TYR: variants seen among roughly 807,000 people sequenced by gnomAD.
The protein encoded by TYR is tyrosinase.
A neutral mutation model predicts 51.5 loss-of-function variants in TYR; 58 were observed. The ratio of observed to expected loss-of-function variants is 1.13; its 90% CI spans 0.91 to 1.40. The LOEUF is 1.40. Ranked by LOEUF, TYR falls within the 40% of genes most tolerant of loss-of-function variation. TYR has a pLI of 0.00. For synonymous variants in TYR, 263 were observed against 235.2 expected (o/e 1.12, Z -1.08); for missense variants, 732 against 647.4 (o/e 1.13, Z -1.42).
intron 3 of TYR, among the ~76,000 whole-genome samples, chr11:89,247,812 G>T (rs1944285314): frequency 6.6e-6 from 1 of 152,118 alleles, no homozygotes; most frequent in African/African-American, 2.4e-5. Context: ...ATAGCAGGAG[G>T]ATATTTAGGC....
chr11:89,257,806 C>T (rs35029283), intron 3 of TYR, among the ~76,000 whole-genome samples: 17,149 of 151,906 alleles, frequency 0.11, 1,952 homozygotes, highest in African/African-American at 0.29. Flanking sequence ...CTTTCTTTCC[C>T]AGAGAATTTG....
chr11:89,294,605 C>T (rs1260881218), intron 4 of TYR, among the ~76,000 whole-genome samples: 1 of 152,214 alleles, frequency 6.6e-6, no homozygotes, highest in East Asian at 1.9e-4. Context: ...GACAGAGGGA[C>T]GGTGCCCATG....
intron 2 of TYR, among the ~76,000 whole-genome samples, chr11:89,226,485 T>C (rs563525816): frequency 6.6e-6 from 1 of 152,202 alleles, no homozygotes; most frequent in Admixed American, 6.6e-5. Flanking sequence ...TGCATGTTCT[T>C]AGGCTAATCT....
At chr11:89,242,442 C>G (rs1289896120) in intron 3 of TYR, among the ~76,000 whole-genome samples, 1 of 152,018 alleles carries the variant, frequency 6.6e-6, no homozygotes, top group Non-Finnish European at 1.5e-5. Context: ...AACTCCTGAC[C>G]TCAGGTGATC....
rs11411684 is a variant in TYR, at chr11:89,216,647, C to CAAAAAAAAAAAAAA, written c.1037-11167_1037-11154dup. ...CAGCCTGGATGGAGTTTTTCCATCTCAAAAAAAAAAAAAAAAAAAAAATAG... is the reference window on the plus strand; with the variant it reads ...CAGCCTGGATGGAGTTTTTCCATCTCAAAAAAAAAAAAAAAAAAAAAAAAAAAAAAAAAAAATAG... On this transcript the variant is annotated intron_variant, in intron 2 of 4. Coordinates refer to ENST00000263321, the MANE Select transcript of TYR (RefSeq NM_000372.5). Among the ~76,000 whole-genome samples, 23 of 80,790 alleles carry CAAAAAAAAAAAAAA rather than the reference C, an allele frequency of 2.8e-4. 1 individual carries two copies. Among genetic ancestry groups the CAAAAAAAAAAAAAA allele is most frequent in the Non-Finnish European group, 4.0e-4 (17 of 42,120 alleles). 53.0% of individuals were successfully genotyped at this position (80,790 alleles called of 152,430 possible).
rs1565426561 is a variant in TYR, at chr11:89,294,028, A to T, written c.1367-1115A>T. On this transcript the variant is annotated intron_variant, in intron 4 of 4. Coordinates refer to ENST00000263321, the MANE Select transcript of TYR (RefSeq NM_000372.5). Reference sequence around the variant, plus strand: ...GATAAAGACTTTCTTTCTTTTTGTAATTTTTTTTTACCAGGTTTTTTAGAA... The same window carrying T: ...GATAAAGACTTTCTTTCTTTTTGTATTTTTTTTTTACCAGGTTTTTTAGAA... 3 of 179,610 alleles carry T rather than the reference A, an allele frequency of 1.7e-5. 1 individual carries two copies. The highest frequency in any genetic ancestry group is 3.6e-3 in the Middle Eastern group (2 of 552). 11.1% of individuals were successfully genotyped at this position (179,610 alleles called of 1,614,324 possible).
intron 4 of TYR, among the ~76,000 whole-genome samples, chr11:89,290,700 C>A (rs1005725374): frequency 2.0e-5 from 3 of 151,910 alleles, no homozygotes; most frequent in African/African-American, 7.2e-5. Context: ...AAGATATATT[C>A]TTTTCTTTTT....
intron 3 of TYR, among the ~76,000 whole-genome samples, chr11:89,276,649 C>T (rs1314832050): frequency 6.6e-6 from 1 of 151,726 alleles, no homozygotes; most frequent in African/African-American, 2.4e-5. Flanking sequence ...AAAAGGAACA[C>T]TTAAGGTGTT....
intron 1 of TYR, among the ~76,000 whole-genome samples, chr11:89,179,369 T>A (rs1255461224): frequency 2.0e-5 from 3 of 152,156 alleles, no homozygotes; most frequent in African/African-American, 7.2e-5. Context: ...AGTATGAAGA[T>A]CCTGAGGCTT....
intron 2 of TYR, among the ~76,000 whole-genome samples, chr11:89,201,459 T>C (rs966525260): frequency 2.0e-5 from 3 of 152,212 alleles, no homozygotes; most frequent in African/African-American, 7.2e-5. Flanking sequence ...ATAGTGCATA[T>C]GTAGGTTCCA....
intron 1 of TYR, among the ~76,000 whole-genome samples, chr11:89,187,200 T>A (rs1024894555): frequency 8.5e-5 from 13 of 152,108 alleles, no homozygotes; most frequent in African/African-American, 2.9e-4. Flanking sequence ...TTGATTTCCC[T>A]ACCCCCAGCC....
intron 3 of TYR, among the ~76,000 whole-genome samples, chr11:89,271,587 G>C (rs1201381963): frequency 1.3e-5 from 2 of 151,916 alleles, no homozygotes; most frequent in South Asian, 4.1e-4. Context: ...TGACTGATCA[G>C]GGTGATGGCT....
chr11:89,276,605 G>A (rs999813420), intron 3 of TYR, among the ~76,000 whole-genome samples: 2 of 151,562 alleles, frequency 1.3e-5, no homozygotes, highest in Non-Finnish European at 2.9e-5. Context: ...GCTGCTTCTT[G>A]AGTATAAAGT....
At chr11:89,217,864 A>G (rs943258774) in intron 2 of TYR, among the ~76,000 whole-genome samples, 1 of 152,212 alleles carries the variant, frequency 6.6e-6, no homozygotes, top group Middle Eastern at 3.2e-3. Flanking sequence ...ATGGAAAAAG[A>G]TCATGCTATT....
At chr11:89,281,909 T>A (rs1944725687) in intron 3 of TYR, among the ~76,000 whole-genome samples, 1 of 151,736 alleles carries the variant, frequency 6.6e-6, no homozygotes, top group Non-Finnish European at 1.5e-5. Flanking sequence ...CAGTTCAAAT[T>A]AAGTTTTGCT....
At chr11:89,266,398 T>A (rs1185751881) in intron 3 of TYR, among the ~76,000 whole-genome samples, 4 of 151,930 alleles carry the variant, frequency 2.6e-5, no homozygotes, top group African/African-American at 9.7e-5. Flanking sequence ...TGTTCACATA[T>A]TTTTTACTTT....
At chr11:89,204,520 G>A (rs1565396754) in intron 2 of TYR, among the ~76,000 whole-genome samples, 1 of 151,708 alleles carries the variant, frequency 6.6e-6, no homozygotes, top group Non-Finnish European at 1.5e-5. Flanking sequence ...TCAGTTTCCC[G>A]AGTAGCTCAG....
intron 3 of TYR, among the ~76,000 whole-genome samples, chr11:89,247,832 C>T (rs1336161320): frequency 6.6e-6 from 1 of 152,122 alleles, no homozygotes; most frequent in African/African-American, 2.4e-5. Flanking sequence ...CAGACAGAAG[C>T]AGCATGACTG....
In TYR at chr11:89,295,070, G is replaced by A. The variant is rs1221885430; in HGVS notation, c.1367-73G>A. The stretch of plus-strand genomic sequence containing the variant: ...CCAGGTGTCTACTCCAAAGGACTGT[G>A]AAAGGATGAAGATGATGGTGATCGT... On this transcript the variant is annotated intron_variant, in intron 4 of 4. Coordinates refer to ENST00000263321, the MANE Select transcript of TYR (RefSeq NM_000372.5). The A allele has an allele frequency of 6.3e-6, 10 of 1,587,724 alleles. No homozygotes were observed. The East Asian group carries it at 2.3e-4, about 36-fold the overall frequency.
Sources: allele counts gnomAD v4.1 joint callset (sites outside exome capture counted in the v4.1 genomes callset), GRCh38; gene constraint gnomAD v4.1.1; transcripts MANE v1.5; gene names NCBI Gene and HGNC (gene_info 2026-07-23, HGNC 2026-07-21).